The following BCAS3 variants were observed in gnomAD, a reference collection of about 807,000 sequenced individuals.
BCAS3 encodes the protein BCAS4/BCAS3 fusion.
Under a neutral mutation model 116.1 loss-of-function variants are expected in BCAS3, and 53 were observed. The ratio of observed to expected loss-of-function variants is 0.46; its 90% CI spans 0.37 to 0.57. The LOEUF is 0.57. Among genes scored for constraint, BCAS3 ranks in the 20% least tolerant of loss-of-function variants. The pLI, the probability that BCAS3 is intolerant of heterozygous loss-of-function variation, is 0.00. For missense variants in BCAS3, 917 were observed against 1,165.4 expected, an observed-to-expected ratio of 0.79 and a Z score of 3.10; for synonymous variants, 391 against 408.2, an observed-to-expected ratio of 0.96 and a Z score of 0.51.
At chr17:60,722,313 GT>G (rs2039324395) in intron 5 of BCAS3, among the ~76,000 whole-genome samples, 1 of 152,136 alleles carries the variant, frequency 6.6e-6, no homozygotes, top group Non-Finnish European at 1.5e-5. Context: ...CTGCCAAATA[GT>G]TTTCAAAAGT....
intron 6 of BCAS3, among the ~76,000 whole-genome samples, chr17:60,797,126 C>T (rs574834471): frequency 1.6e-4 from 24 of 152,066 alleles, no homozygotes; most frequent in African/African-American, 4.1e-4. Context: ...GAACTTCTGG[C>T]CTCAAGTGAT....
chr17:61,294,187 C>A, intron 22 of BCAS3, among the ~76,000 whole-genome samples: 1 of 152,184 alleles, frequency 6.6e-6, no homozygotes, highest in Non-Finnish European at 1.5e-5. Flanking sequence ...CAGATCCCAA[C>A]TACTGTAGTT....
chr17:61,250,181 A>G (rs1369447125), intron 22 of BCAS3, among the ~76,000 whole-genome samples: 1 of 152,188 alleles, frequency 6.6e-6, no homozygotes, highest in African/African-American at 2.4e-5. Context: ...TGACAAACAT[A>G]AGACCTCAGT....
At position 60,764,019 on chromosome 17, in the gene BCAS3, A is replaced by G. The variant is rs562114761; in HGVS notation, c.403+16740A>G. Among the ~76,000 whole-genome samples the G allele has an allele frequency of 1.5e-3, 231 of 152,178 alleles. 1 individual carries two copies. Among genetic ancestry groups the G allele is most frequent in the African/African-American group, 5.4e-3 (224 of 41,534 alleles). On this transcript the variant is annotated intron_variant, in intron 6 of 23. Transcript: ENST00000407086. ...ATAGTATTCTCTGATGGTAGTTTGT[A>G]TTTCTGTGGGATCGCTGGTGAGATC...
rs956984869 is a variant in BCAS3, at chr17:61,037,411, AT to A, written c.1763-474del. On this transcript the variant is annotated intron_variant, in intron 17 of 23. Coordinates refer to ENST00000407086, the MANE Select transcript of BCAS3 (RefSeq NM_017679.5). This position sits in a 1 kb window ranked among gnomAD's most constrained non-coding sequence, Gnocchi z 4.7. Reference sequence around the variant, plus strand: ...TTGAAAATACTCTGATATCATAGACATTTTCATATTCACTAGCATGTGCTTA... The same window carrying A: ...TTGAAAATACTCTGATATCATAGACATTTCATATTCACTAGCATGTGCTTA... 4.6e-5 allele frequency among the ~76,000 whole-genome samples: 7 copies of A among 152,208 alleles called. No individual in the cohort carries two copies. Among genetic ancestry groups the A allele is most frequent in the Non-Finnish European group, 8.8e-5 (6 of 68,034 alleles).
intron 16 of BCAS3, among the ~76,000 whole-genome samples, chr17:61,027,950 T>C (rs553855994): frequency 4.6e-5 from 7 of 151,920 alleles, no homozygotes; most frequent in Non-Finnish European, 1.0e-4. Flanking sequence ...TTTTCACTTT[T>C]AAGGATATGT....
At chr17:60,859,593 A>G (rs1225818978) in intron 7 of BCAS3, among the ~76,000 whole-genome samples, 1 of 145,400 alleles carries the variant, frequency 6.9e-6, no homozygotes, top group Admixed American at 6.9e-5. Flanking sequence ...TTTGAGATGG[A>G]GTCTCGCTCC....
chr17:60,943,894 A>G (rs146363276), intron 13 of BCAS3, among the ~76,000 whole-genome samples: 102 of 152,248 alleles, frequency 6.7e-4, no homozygotes, highest in African/African-American at 2.2e-3. Context: ...TAAATAACCC[A>G]CGAGCAAAAG....
chr17:60,827,705 A>G (rs1390491128), intron 7 of BCAS3, among the ~76,000 whole-genome samples: 1 of 151,944 alleles, frequency 6.6e-6, no homozygotes, highest in Non-Finnish European at 1.5e-5. Flanking sequence ...CACCCACAAT[A>G]GTTTTCTCAT....
At chr17:61,069,102 C>CA (rs2071039259) in intron 19 of BCAS3, among the ~76,000 whole-genome samples, 1 of 151,452 alleles carries the variant, frequency 6.6e-6, no homozygotes, top group African/African-American at 2.4e-5. Flanking sequence ...AATTAAAAAA[C>CA]AAAAAACCAA....
At chr17:61,341,165 GGAACA>G (rs2143233863) in intron 22 of BCAS3, among the ~76,000 whole-genome samples, 1 of 152,280 alleles carries the variant, frequency 6.6e-6, no homozygotes, top group East Asian at 1.9e-4. Flanking sequence ...GGCGGGCACA[GGAACA>G]GACTGTAACA....
intron 22 of BCAS3, among the ~76,000 whole-genome samples, chr17:61,268,470 G>A (rs77420894): frequency 0.054 from 8,259 of 152,074 alleles, 745 homozygotes; most frequent in African/African-American, 0.19. Context: ...ACAGTAATAC[G>A]TATGTATATT....
At position 61,339,052 on chromosome 17, in the gene BCAS3, G is replaced by T. The variant is rs868161223; in HGVS notation, c.2426-29275G>T. Among the ~76,000 whole-genome samples, 1 of 151,736 alleles carries T rather than the reference G, an allele frequency of 6.6e-6. No individual in the cohort carries two copies. Among genetic ancestry groups the T allele is most frequent in the Admixed American group, 6.6e-5 (1 of 15,238 alleles). On this transcript the variant is annotated intron_variant, in intron 22 of 23. Coordinates refer to ENST00000407086, the MANE Select transcript of BCAS3 (RefSeq NM_017679.5). The surrounding 1 kb of genome is among the most constrained non-coding windows in gnomAD (Gnocchi z 4.4). ...TTTGGGAAAAAAAAAAATTCACAAA[G>T]ACCCATCTGCCTCTCCCATTTTCTC...
intron 17 of BCAS3, chr17:61,036,424 A>G (rs950028676): frequency 2.0e-5 from 3 of 152,096 alleles, no homozygotes; most frequent in African/African-American, 7.2e-5. Context: ...CAAGCCTTCC[A>G]TTTCCTTATC....
At chr17:61,115,059 C>T (rs1199554513) in intron 22 of BCAS3, among the ~76,000 whole-genome samples, 2 of 149,946 alleles carry the variant, frequency 1.3e-5, no homozygotes, top group African/African-American at 4.9e-5. Flanking sequence ...GAAACTGGAT[C>T]CCTTCCTTAC....
intron 6 of BCAS3, among the ~76,000 whole-genome samples, chr17:60,751,378 C>T (rs961342863): frequency 1.4e-4 from 22 of 152,014 alleles, no homozygotes; most frequent in Non-Finnish European, 4.4e-5. Context: ...AACTTAATTC[C>T]AAGTAATAAA....
chr17:60,713,236 G>A (rs1429158824), intron 5 of BCAS3, among the ~76,000 whole-genome samples: 1 of 152,134 alleles, frequency 6.6e-6, no homozygotes, highest in Non-Finnish European at 1.5e-5. Context: ...CCAGAATTTG[G>A]AATATCGTTT....
chr17:60,953,555 A>G (rs905393913), intron 14 of BCAS3, among the ~76,000 whole-genome samples: 1 of 152,058 alleles, frequency 6.6e-6, no homozygotes, highest in Non-Finnish European at 1.5e-5. Context: ...TGCTGTGCAG[A>G]AGCTCTTTAG....
rs1040953011 is a variant in BCAS3 at position 61,077,006 on chromosome 17, AAG to A, written c.2131-1325_2131-1324del. Among the ~76,000 whole-genome samples, 9 of 152,214 alleles carry A rather than the reference AAG, an allele frequency of 5.9e-5. No homozygotes were observed. The highest frequency in any genetic ancestry group is 1.9e-4 in the African/African-American group (8 of 41,456). On this transcript the variant is annotated intron_variant, in intron 20 of 23. Transcript: ENST00000407086. This position sits in a 1 kb window ranked among gnomAD's most constrained non-coding sequence, Gnocchi z 4.3. ...ATCAGAGAAATGTGATTAAATATAA[AAG>A]AACTCAGGACAAAAATAAGGCATGT...
Sources: allele counts gnomAD v4.1 joint callset (sites outside exome capture counted in the v4.1 genomes callset), GRCh38; gene constraint gnomAD v4.1.1; non-coding constraint Gnocchi (gnomAD v3.1); transcripts MANE v1.5; gene names NCBI Gene and HGNC (gene_info 2026-07-23, HGNC 2026-07-21).